Variants in PTN observed in about 807,000 individuals in gnomAD.
PTN encodes pleiotrophin.
Under a neutral mutation model 24.1 loss-of-function variants are expected in PTN, and 18 were observed. That is an observed-to-expected ratio of 0.75 (90% CI 0.52 to 1.11). PTN has a LOEUF of 1.11. Ranked by LOEUF, PTN falls within the 50% of genes least tolerant of loss-of-function variation. The pLI is 0.00. For synonymous variants in PTN, 78 were observed against 68.6 expected (o/e 1.14, Z -0.67); for missense variants, 163 against 198.8 (o/e 0.82, Z 1.08).
chr7:137,242,665 A>G (rs1205024806), intron 4 of PTN, among the ~76,000 whole-genome samples: 1 of 152,234 alleles, frequency 6.6e-6, no homozygotes, highest in African/African-American at 2.4e-5. Context: ...TCATTAGGCA[A>G]TATCACCTGT....
At chr7:137,314,597 C>CTTT (rs34363631) in intron 1 of PTN, among the ~76,000 whole-genome samples, 81 of 131,810 alleles carry the variant, frequency 6.1e-4, no homozygotes, top group Admixed American at 1.4e-3. Flanking sequence ...TTACATGATG[C>CTTT]TTTTTTTTTT....
At chr7:137,277,293 C>T (rs147152471) in intron 1 of PTN, among the ~76,000 whole-genome samples, 1 of 152,188 alleles carries the variant, frequency 6.6e-6, no homozygotes, top group African/African-American at 2.4e-5. Flanking sequence ...AAATGTGGAA[C>T]TTTAACTCTC....
At chr7:137,283,413 T>G (rs1241836941) in intron 1 of PTN, among the ~76,000 whole-genome samples, 20 of 151,634 alleles carry the variant, frequency 1.3e-4, no homozygotes, top group Admixed American at 1.3e-3. Flanking sequence ...GCTCATTGAC[T>G]AAAAAAATAA....
chr7:137,320,939 T>C, intron 1 of PTN, among the ~76,000 whole-genome samples: 1 of 152,218 alleles, frequency 6.6e-6, no homozygotes, highest in East Asian at 1.9e-4. Context: ...CTCTGTGTTA[T>C]AACTTCTGGC....
chr7:137,310,246 A>C (rs1235534010), intron 1 of PTN, among the ~76,000 whole-genome samples: 2 of 152,060 alleles, frequency 1.3e-5, no homozygotes, highest in Non-Finnish European at 2.9e-5. Context: ...TATTCGGTAA[A>C]CCACGCTGTA....
intron 1 of PTN, among the ~76,000 whole-genome samples, chr7:137,274,521 C>G (rs111553270): frequency 6.6e-6 from 1 of 151,914 alleles, no homozygotes; most frequent in Non-Finnish European, 1.5e-5. Context: ...TAGGCCCCCA[C>G]CCCCCGACAG....
intron 1 of PTN, among the ~76,000 whole-genome samples, chr7:137,315,975 A>C (rs1268886275): frequency 1.3e-5 from 2 of 152,090 alleles, no homozygotes; most frequent in African/African-American, 2.4e-5. Flanking sequence ...GTCAAATAAA[A>C]CCATGTCTAA....
At chr7:137,272,725 C>A (rs1012651243) in intron 1 of PTN, among the ~76,000 whole-genome samples, 1 of 151,968 alleles carries the variant, frequency 6.6e-6, no homozygotes, top group Non-Finnish European at 1.5e-5. Flanking sequence ...TCTAAAAAAA[C>A]GAAACTAGAA....
intron 1 of PTN, among the ~76,000 whole-genome samples, chr7:137,307,168 T>C (rs1809902548): frequency 6.6e-6 from 1 of 152,134 alleles, no homozygotes; most frequent in South Asian, 2.1e-4. Flanking sequence ...ATCTTCCCTA[T>C]GGATAGTTTC....
chr7:137,338,770 C>T (rs1322651723), intron 1 of PTN, among the ~76,000 whole-genome samples: 1 of 152,104 alleles, frequency 6.6e-6, no homozygotes, highest in East Asian at 1.9e-4. Flanking sequence ...ACAGGAAGTC[C>T]TTTACTTCAA....
At chr7:137,258,493 T>C (rs1291262797) in intron 1 of PTN, among the ~76,000 whole-genome samples, 2 of 152,134 alleles carry the variant, frequency 1.3e-5, no homozygotes, top group Non-Finnish European at 2.9e-5. Flanking sequence ...TCCCCTTCCT[T>C]CTATTTTGTT....
chr7:137,254,380 T>C (rs1436466075), intron 2 of PTN, among the ~76,000 whole-genome samples: 3 of 152,086 alleles, frequency 2.0e-5, no homozygotes, highest in Non-Finnish European at 2.9e-5. Context: ...GTAGAAGGAA[T>C]GACATCATAC....
At chr7:137,340,577 G>A (rs1810518066) in intron 1 of PTN, among the ~76,000 whole-genome samples, 1 of 152,202 alleles carries the variant, frequency 6.6e-6, no homozygotes, top group Non-Finnish European at 1.5e-5. Flanking sequence ...ATAAAAAGAA[G>A]GTTCATATCT....
chr7:137,307,982 T>C (rs1290119450), intron 1 of PTN, among the ~76,000 whole-genome samples: 3 of 152,154 alleles, frequency 2.0e-5, no homozygotes, highest in Admixed American at 6.6e-5. Context: ...GCTTCATCTG[T>C]TCATGAAATC....
chr7:137,320,314 TG>T (rs1286203316), intron 1 of PTN, among the ~76,000 whole-genome samples: 1 of 152,238 alleles, frequency 6.6e-6, no homozygotes, highest in Admixed American at 6.5e-5. Context: ...CACATAGGAC[TG>T]TAAAATCTTT....
chr7:137,329,509 G>A (rs548001147), intron 1 of PTN, among the ~76,000 whole-genome samples: 21 of 152,158 alleles, frequency 1.4e-4, no homozygotes, highest in Non-Finnish European at 2.8e-4. Context: ...ACAACAGCAG[G>A]AGCTTGGCTC....
intron 1 of PTN, among the ~76,000 whole-genome samples, chr7:137,320,099 T>C (rs1174110299): frequency 6.6e-6 from 1 of 152,214 alleles, no homozygotes; most frequent in African/African-American, 2.4e-5. Context: ...AATATACGCA[T>C]TCATATTTAA....
intron 4 of PTN, among the ~76,000 whole-genome samples, chr7:137,246,312 C>T (rs1196216207): frequency 1.3e-5 from 2 of 152,110 alleles, no homozygotes; most frequent in African/African-American, 2.4e-5. Flanking sequence ...GATTTGCAGC[C>T]TAGGAGCAAT....
At chr7:137,243,135 C>T (rs763736971) in intron 4 of PTN, among the ~76,000 whole-genome samples, 10 of 152,104 alleles carry the variant, frequency 6.6e-5, no homozygotes, top group African/African-American at 2.4e-4. Flanking sequence ...TGGGGTTTCA[C>T]CATGTTGGCC....
Sources: gnomAD v4.1 joint callset for allele counts (sites outside exome capture counted in the v4.1 genomes callset) on GRCh38, gnomAD v4.1.1 for gene constraint, MANE v1.5 for transcripts, NCBI Gene and HGNC (gene_info 2026-07-23, HGNC 2026-07-21) for gene names.